The following MEIS1 variants were observed in gnomAD, a reference collection of about 807,000 sequenced individuals.
MEIS1 encodes the protein homeobox protein Meis1.
In MEIS1, 5 loss-of-function variants were observed where a neutral mutation model predicts 50.8. That is an observed-to-expected ratio of 0.10 (90% CI 0.05 to 0.21). The LOEUF is 0.21. Among genes scored for constraint, MEIS1 ranks in the 10% least tolerant of loss-of-function variants. MEIS1 has a pLI of 1.00. For synonymous variants in MEIS1, 176 were observed against 179.3 expected (o/e 0.98, Z 0.15); for missense variants, 318 against 517.3 (o/e 0.61, Z 3.74).
chr2:66,500,842 A>G (rs1022067954), intron 7 of MEIS1, among the ~76,000 whole-genome samples: 10 of 152,240 alleles, frequency 6.6e-5, no homozygotes, highest in Admixed American at 5.9e-4. Context: ...TTGTATATAC[A>G]CACATATATA....
intron 10 of MEIS1, 142 bp from the exon 11 acceptor site, chr2:66,568,523 ATT>A: frequency 2.0e-6 from 1 of 494,322 alleles, no homozygotes; most frequent in South Asian, 2.4e-5. Context: ...TCTGAGAGAA[ATT>A]TCACTTTGAA....
At chr2:66,558,949 C>G (rs1675142926) in intron 9 of MEIS1, among the ~76,000 whole-genome samples, 1 of 152,102 alleles carries the variant, frequency 6.6e-6, no homozygotes, top group African/African-American at 2.4e-5. Flanking sequence ...TGAGACCAGC[C>G]TGGACAACAT....
intron 7 of MEIS1, among the ~76,000 whole-genome samples, chr2:66,478,744 T>C (rs1573164554): frequency 6.6e-6 from 1 of 152,170 alleles, no homozygotes; most frequent in East Asian, 1.9e-4. Flanking sequence ...AACCGTAGAA[T>C]TGGTTTTCAG....
intron 8 of MEIS1, among the ~76,000 whole-genome samples, chr2:66,536,923 G>C (rs1674534911): frequency 6.6e-6 from 1 of 152,012 alleles, no homozygotes. Flanking sequence ...TTAAATTTTA[G>C]CTTTACAAAG....
intron 8 of MEIS1, among the ~76,000 whole-genome samples, chr2:66,520,881 C>T (rs1379335031): frequency 6.6e-6 from 1 of 152,208 alleles, no homozygotes; most frequent in Admixed American, 6.5e-5. Flanking sequence ...ACTTGAATTT[C>T]CATCTGCTTT....
intron 7 of MEIS1, among the ~76,000 whole-genome samples, chr2:66,482,995 AC>A (rs1269917582): frequency 1.3e-5 from 2 of 152,164 alleles, no homozygotes; most frequent in Non-Finnish European, 2.9e-5. Context: ...GCCTAAACTC[AC>A]CCATAAAATG....
intron 8 of MEIS1, among the ~76,000 whole-genome samples, chr2:66,529,824 A>G (rs946079920): frequency 6.6e-6 from 1 of 152,214 alleles, no homozygotes; most frequent in Non-Finnish European, 1.5e-5. Flanking sequence ...ATATGTTTAC[A>G]TATACAATTG....
chr2:66,463,821 A>ATT (rs1672575358), intron 6 of MEIS1, among the ~76,000 whole-genome samples: 1 of 152,184 alleles, frequency 6.6e-6, no homozygotes, highest in Admixed American at 6.5e-5. Flanking sequence ...CAGTGGCGGC[A>ATT]TTTTGTTTTC....
At chr2:66,564,837 A>T (rs1228336135) in intron 9 of MEIS1, among the ~76,000 whole-genome samples, 12 of 151,534 alleles carry the variant, frequency 7.9e-5, no homozygotes, top group Admixed American at 7.9e-4. Flanking sequence ...CTCGTCATTT[A>T]CATTAGGTAT....
intron 8 of MEIS1, among the ~76,000 whole-genome samples, chr2:66,543,324 C>G (rs1045994514): frequency 2.0e-5 from 3 of 152,082 alleles, no homozygotes; most frequent in African/African-American, 7.2e-5. Context: ...ACTGCAATAT[C>G]CAGAAATACA....
intron 7 of MEIS1, among the ~76,000 whole-genome samples, chr2:66,483,808 T>C (rs1673075624): frequency 6.6e-6 from 1 of 152,184 alleles, no homozygotes; most frequent in Admixed American, 6.5e-5. Context: ...ATGGTCAGAT[T>C]GGGTTAAGGT....
At chr2:66,544,109 C>G (rs986332779) in intron 8 of MEIS1, among the ~76,000 whole-genome samples, 1 of 152,140 alleles carries the variant, frequency 6.6e-6, no homozygotes, top group African/African-American at 2.4e-5. Context: ...AAAAACAGCA[C>G]TTCTCGGAGA....
intron 6 of MEIS1, among the ~76,000 whole-genome samples, chr2:66,456,241 C>A (rs1672385740): frequency 6.8e-6 from 1 of 146,198 alleles, no homozygotes; most frequent in Non-Finnish European, 1.6e-5. Context: ...TTTATACACA[C>A]ACACACACAC....
intron 7 of MEIS1, among the ~76,000 whole-genome samples, chr2:66,496,991 A>G (rs1043455119): frequency 6.6e-6 from 1 of 152,050 alleles, no homozygotes; most frequent in Non-Finnish European, 1.5e-5. Context: ...CTCACATGCT[A>G]CTCTGAGAGT....
chr2:66,524,704 TTTCACACAAGTA>T (rs1674207036), intron 8 of MEIS1, among the ~76,000 whole-genome samples: 1 of 151,764 alleles, frequency 6.6e-6, no homozygotes, highest in African/African-American at 2.4e-5. Context: ...TTAAATTTTT[TTTCACACAAGTA>T]TTTTACACAA....
At chr2:66,485,359 G>C (rs1673117448) in intron 7 of MEIS1, among the ~76,000 whole-genome samples, 1 of 152,084 alleles carries the variant, frequency 6.6e-6, no homozygotes, top group East Asian at 1.9e-4. Context: ...GTGGTGTTTA[G>C]TTTTCTGTTC....
At chr2:66,540,269 A>G (rs1019960195) in intron 8 of MEIS1, among the ~76,000 whole-genome samples, 3 of 152,302 alleles carry the variant, frequency 2.0e-5, no homozygotes, top group South Asian at 4.1e-4. Context: ...AAAGTAAAGC[A>G]TGAGTTTTCT....
At chr2:66,485,917 A>G (rs1173642330) in intron 7 of MEIS1, among the ~76,000 whole-genome samples, 1 of 152,162 alleles carries the variant, frequency 6.6e-6, no homozygotes, top group African/African-American at 2.4e-5. Context: ...GTGTCTGTTC[A>G]TATCCTTCAC....
At chr2:66,519,094 AT>A (rs1350964845) in intron 8 of MEIS1, among the ~76,000 whole-genome samples, 1 of 152,144 alleles carries the variant, frequency 6.6e-6, no homozygotes, top group African/African-American at 2.4e-5. Flanking sequence ...ACATCTTTTA[AT>A]CCCCTAAGTA....
Sources: gnomAD v4.1 joint callset for allele counts (sites outside exome capture counted in the v4.1 genomes callset) on GRCh38, gnomAD v4.1.1 for gene constraint, MANE v1.5 for transcripts, NCBI Gene and HGNC (gene_info 2026-07-23, HGNC 2026-07-21) for gene names.